The following ABCB7 variants were observed in gnomAD, a reference collection of about 807,000 sequenced individuals.
The protein encoded by ABCB7 is iron-sulfur clusters transporter ABCB7, mitochondrial.
A neutral mutation model predicts 54.4 loss-of-function variants in ABCB7; 7 were observed. That is an observed-to-expected ratio of 0.13 (90% CI 0.07 to 0.24). The LOEUF (loss-of-function observed/expected upper bound fraction) is 0.24. Among genes scored for constraint, ABCB7 ranks in the 10% least tolerant of loss-of-function variants. The pLI, the probability that ABCB7 is intolerant of heterozygous loss-of-function variation, is 1.00. For synonymous variants in ABCB7, 218 were observed against 207.1 expected, an observed-to-expected ratio of 1.05 and a Z score of -0.45; for missense variants, 356 against 570.4, an observed-to-expected ratio of 0.62 and a Z score of 3.83.
intron 1 of ABCB7, among the ~76,000 whole-genome samples, chrX:75,154,773 C>G (rs768903373): frequency 6.1e-4 from 68 of 112,215 alleles, no homozygotes; most frequent in African/African-American, 2.1e-3. Flanking sequence ...TGTACCTTTC[C>G]CATTATTACA....
chrX:75,077,734 C>A (rs1484578385), intron 4 of ABCB7, among the ~76,000 whole-genome samples: 1 of 111,173 alleles, frequency 9.0e-6, no homozygotes, highest in Non-Finnish European at 1.9e-5. Flanking sequence ...TCGACAATAT[C>A]ATTAAAATAC....
intron 1 of ABCB7, among the ~76,000 whole-genome samples, chrX:75,118,908 ATC>A (rs1220900126): frequency 9.0e-6 from 1 of 110,939 alleles, no homozygotes; most frequent in Non-Finnish European, 1.9e-5. Context: ...ATTTCTGGAG[ATC>A]TGTTTTGCCT....
chrX:75,126,014 A>C (rs1169989135), intron 1 of ABCB7, among the ~76,000 whole-genome samples: 1 of 111,541 alleles, frequency 9.0e-6, no homozygotes, highest in African/African-American at 3.3e-5. Context: ...AATTCATACA[A>C]TAGCTAGAAT....
At chrX:75,076,761 C>G in intron 4 of ABCB7, 107 bp from the exon 5 acceptor site, 1 of 899,193 alleles carries the variant, frequency 1.1e-6, no homozygotes. Context: ...ACATATTTAC[C>G]ACTTACTGGT....
At chrX:75,079,987 C>T (rs1227595005) in intron 4 of ABCB7, among the ~76,000 whole-genome samples, 1 of 112,084 alleles carries the variant, frequency 8.9e-6, no homozygotes, top group Non-Finnish European at 1.9e-5. Context: ...CTTTTAGGAT[C>T]AGCTTTTGTT....
chrX:75,104,052 T>G (rs986599290), intron 3 of ABCB7, among the ~76,000 whole-genome samples: 2 of 32,921 alleles, frequency 6.1e-5, no homozygotes, highest in Non-Finnish European at 7.1e-5. Flanking sequence ...TTACAGTTTT[T>G]TTTTTTTTTT....
chrX:75,104,047 GTTTTTTTTTTTTTTT>G (rs757074347), intron 3 of ABCB7, among the ~76,000 whole-genome samples: 72 of 13,442 alleles, frequency 5.4e-3, no homozygotes, highest in Non-Finnish European at 9.6e-3. Flanking sequence ...TCTTGTTACA[GTTTTTTTTTTTTTTT>G]TTTTTTTTTT....
chrX:75,120,894 C>CTGAT (rs1329133239), intron 1 of ABCB7, among the ~76,000 whole-genome samples: 6 of 110,622 alleles, frequency 5.4e-5, no homozygotes, highest in Non-Finnish European at 1.1e-4. Context: ...ATTTAAACAA[C>CTGAT]TGATAGGCAT....
At chrX:75,058,129 C>T (rs1369380685) in intron 15 of ABCB7, among the ~76,000 whole-genome samples, 1 of 111,522 alleles carries the variant, frequency 9.0e-6, no homozygotes, top group Non-Finnish European at 1.9e-5. Flanking sequence ...TACTTTCAAC[C>T]TCATGCTTAT....
chrX:75,111,212 T>C (rs1259622310), intron 3 of ABCB7, among the ~76,000 whole-genome samples: 2 of 112,507 alleles, frequency 1.8e-5, no homozygotes, highest in Non-Finnish European at 3.8e-5. Context: ...GCCATGTTGT[T>C]AAGTTTCTAG....
rs777236395 is a variant in ABCB7 at position 75,155,322 on chromosome X, C to T, written c.168+783G>A. ...AGTGATAGTGATAAATACGTGGTGG[C>T]AATTAAACCTCTTGTCAATACACAG... On this transcript the variant is annotated intron_variant, in intron 1 of 15. Coordinates refer to ENST00000373394, the MANE Select transcript of ABCB7 (RefSeq NM_001271696.3). Among the ~76,000 whole-genome samples the T allele has an allele frequency of 7.1e-5, 8 of 112,703 alleles. No individual in the cohort carries two copies. In the East Asian group the frequency reaches 2.2e-3, roughly 31 times the overall value.
At chrX:75,071,781 A>G in intron 8 of ABCB7, 98 bp from the exon 9 acceptor site, 1 of 586,427 alleles carries the variant, frequency 1.7e-6, no homozygotes, top group Non-Finnish European at 2.7e-6. Flanking sequence ...TATGAATACA[A>G]TTTTGTACTG....
At chrX:75,056,831 T>C (rs185360566) in intron 15 of ABCB7, among the ~76,000 whole-genome samples, 4 of 111,738 alleles carry the variant, frequency 3.6e-5, no homozygotes, top group East Asian at 2.8e-4. Flanking sequence ...TCTTACACTA[T>C]ACACAAAAAT....
chrX:75,092,745 G>T (rs2081555164), intron 4 of ABCB7, among the ~76,000 whole-genome samples: 1 of 111,285 alleles, frequency 9.0e-6, no homozygotes, highest in Non-Finnish European at 1.9e-5. Flanking sequence ...TTAAAAATGG[G>T]CAAAAGAACT....
At chrX:75,071,455 C>T in intron 9 of ABCB7, 54 bp downstream of exon 9, 1 of 1,158,528 alleles carries the variant, frequency 8.6e-7, no homozygotes. Context: ...TTTCATTAAT[C>T]TTTATTTATA....
At chrX:75,073,581 A>T in intron 8 of ABCB7, 108 bp downstream of exon 8, 1 of 617,681 alleles carries the variant, frequency 1.6e-6, no homozygotes, top group Non-Finnish European at 2.8e-6. Context: ...ACGCCTAGAG[A>T]TCATATCCTA....
intron 3 of ABCB7, among the ~76,000 whole-genome samples, chrX:75,109,757 A>C (rs1218121074): frequency 1.8e-5 from 2 of 112,131 alleles, no homozygotes; most frequent in African/African-American, 3.2e-5. Context: ...GAACCAATCT[A>C]GAAGAAAATT....
chrX:75,073,888 T>C lies in ABCB7; in HGVS notation c.924A>G (p.Thr308=). 8.3e-7 allele frequency: 1 copy of C among 1,209,944 alleles called. No individual in the cohort carries two copies. Among genetic ancestry groups the C allele is most frequent in the South Asian group, 1.8e-5 (1 of 56,980 alleles). The stretch of plus-strand genomic sequence containing the variant: ...ATTACCTCCACCGTGTGACTGCAAC[T>C]GTGAATGCTGTGTATGTACCAAGTG... ...LGTLGTYTAF[T]VAVTRWRTRF... The change falls in exon 7 of 16, where the codon ACA becomes ACG. Residue 308 remains threonine (T), a synonymous_variant. Coordinates refer to ENST00000373394, the MANE Select transcript of ABCB7 (RefSeq NM_001271696.3).
rs545230628 is a variant in ABCB7, at chrX:75,080,114, C to A, written c.454-3460G>T. Reference sequence around the variant, plus strand: ...TACTAGAATTTATTCAACCAGTCACCCCGAAGGACATTTTGGTTGTTTCCA... The same window carrying A: ...TACTAGAATTTATTCAACCAGTCACACCGAAGGACATTTTGGTTGTTTCCA... On this transcript the variant is annotated intron_variant, in intron 4 of 15. Transcript: ENST00000373394. Among the ~76,000 whole-genome samples the A allele has an allele frequency of 1.4e-4, 16 of 111,983 alleles. No homozygotes were observed. In the South Asian group the frequency reaches 6.0e-3, roughly 42 times the overall value.
Sources: allele counts gnomAD v4.1 joint callset (sites outside exome capture counted in the v4.1 genomes callset), GRCh38; gene constraint gnomAD v4.1.1; transcripts MANE v1.5; gene names NCBI Gene and HGNC (gene_info 2026-07-23, HGNC 2026-07-21).